Variants in LARP4B observed in about 807,000 individuals in gnomAD.
LARP4B encodes the protein la-related protein 4B.
LARP4B carries 12 observed loss-of-function variants against 89.8 expected under a neutral mutation model. The ratio of observed to expected loss-of-function variants is 0.13; its 90% CI spans 0.09 to 0.22. The LOEUF (loss-of-function observed/expected upper bound fraction) is 0.22, where lower values mean the gene tolerates loss of function less well. Ranked by LOEUF, LARP4B falls within the 10% of genes least tolerant of loss-of-function variation. The pLI, the probability that LARP4B is intolerant of heterozygous loss-of-function variation, is 1.00. For missense variants in LARP4B, 757 were observed against 947.7 expected, an observed-to-expected ratio of 0.80 and a Z score of 2.64; for synonymous variants, 367 against 363.3, an observed-to-expected ratio of 1.01 and a Z score of -0.12.
chr10:899,201 G>T (rs919702200), intron 1 of LARP4B, among the ~76,000 whole-genome samples: 1 of 152,192 alleles, frequency 6.6e-6, no homozygotes, highest in Non-Finnish European at 1.5e-5. Context: ...TGGATCAATT[G>T]TATCAGTGAT....
Position 814,913 on chromosome 10 carries a change from A to C in LARP4B, c.1820+33T>G. 1 of 1,577,478 alleles carries C rather than the reference A, an allele frequency of 6.3e-7. No homozygotes were observed. The highest frequency in any genetic ancestry group is 1.2e-5 in the South Asian group (1 of 86,334). On this transcript the variant is annotated intron_variant, in intron 16 of 17. Coordinates refer to ENST00000316157, the MANE Select transcript of LARP4B (RefSeq NM_015155.3). The surrounding 1 kb of genome is among the most constrained non-coding windows in gnomAD (Gnocchi z 4.4). Reference sequence around the variant, plus strand: ...CATCACAGGCCATTCAAGTCAGTCAACACCAAGGCGCTGGAAGAACACCAA... The same window carrying C: ...CATCACAGGCCATTCAAGTCAGTCACCACCAAGGCGCTGGAAGAACACCAA...
chr10:860,117 T>C (rs1353427649), intron 5 of LARP4B, among the ~76,000 whole-genome samples: 1 of 40,890 alleles, frequency 2.4e-5, no homozygotes, highest in African/African-American at 1.0e-4. Context: ...AGGCCATGCA[T>C]GTGTGGGGGT....
At chr10:818,435 TTC>T (rs1359733383) in intron 14 of LARP4B, 1 of 152,272 alleles carries the variant, frequency 6.6e-6, no homozygotes, top group Non-Finnish European at 1.5e-5. Flanking sequence ...GGGGCTCGAA[TTC>T]TCTGAAAATA....
chr10:983,366 C>G, the LARP4B span, among the ~76,000 whole-genome samples: 2 of 152,230 alleles, frequency 1.3e-5, no homozygotes, highest in Non-Finnish European at 1.5e-5. Context: ...ACAGAGGCCC[C>G]TGCTGACCTA....
At chr10:949,602 G>GT in the LARP4B span, among the ~76,000 whole-genome samples, 1 of 152,076 alleles carries the variant, frequency 6.6e-6, no homozygotes. Flanking sequence ...CCTCACCCAC[G>GT]TGCCGCTGCA....
At chr10:965,840 CG>C in the LARP4B span, among the ~76,000 whole-genome samples, 1 of 151,956 alleles carries the variant, frequency 6.6e-6, no homozygotes, top group Admixed American at 6.6e-5. Flanking sequence ...AATCATCAAC[CG>C]ATTTATGTCA....
At chr10:848,812 CA>C (rs1833901216) in intron 5 of LARP4B, among the ~76,000 whole-genome samples, 1 of 151,492 alleles carries the variant, frequency 6.6e-6, no homozygotes, top group Non-Finnish European at 1.5e-5. Context: ...AGTCAGCCCT[CA>C]ACACAGAGAA....
At chr10:867,252 C>T (rs948491217) in intron 3 of LARP4B, among the ~76,000 whole-genome samples, 1 of 152,116 alleles carries the variant, frequency 6.6e-6, no homozygotes, top group Non-Finnish European at 1.5e-5. Context: ...GGATCTACCA[C>T]GTGCTGAGCA....
the LARP4B span, among the ~76,000 whole-genome samples, chr10:955,057 G>C: frequency 0.14 from 11,673 of 81,662 alleles, 343 homozygotes; most frequent in African/African-American, 0.21. The surrounding 1 kb of genome is among the most constrained non-coding windows in gnomAD (Gnocchi z 5.2). Flanking sequence ...TCCCATCCAC[G>C]CTTCCCCAGG....
chr10:886,095 G>A (rs1490402880), intron 1 of LARP4B, among the ~76,000 whole-genome samples: 1 of 151,874 alleles, frequency 6.6e-6, no homozygotes, highest in Admixed American at 6.6e-5. Flanking sequence ...GATATATAAG[G>A]AACTCACACC....
Position 836,478 on chromosome 10 carries a change from C to T in LARP4B, c.675G>A (p.Lys225=), listed in dbSNP as rs746404701. The change falls in exon 8 of 18, where the codon AAG becomes AAA. Residue 225 remains lysine (K), a synonymous_variant. Transcript: ENST00000316157. The part of the protein sequence containing the change: ...RSLPLVQVDE[K]GEKVRPNQNR... Reference sequence around the variant, plus strand: ...TTTGATTTGGCCTTACTTTTTCTCCCTTTTCATCCACTTGGACTAAAGGTA... The same window carrying T: ...TTTGATTTGGCCTTACTTTTTCTCCTTTTTCATCCACTTGGACTAAAGGTA... 4 of 1,612,618 alleles carry T rather than the reference C, an allele frequency of 2.5e-6. No homozygotes were observed. The African/African-American group carries it at 4.0e-5, about 16-fold the overall frequency.
intron 8 of LARP4B, among the ~76,000 whole-genome samples, chr10:835,592 C>G (rs777129383): frequency 3.3e-5 from 5 of 152,232 alleles, no homozygotes; most frequent in Non-Finnish European, 7.3e-5. Context: ...CAAAGCAACT[C>G]AGTTTAGGCA....
At chr10:982,109 TTTCTTTC>T in the LARP4B span, among the ~76,000 whole-genome samples, 3 of 145,384 alleles carry the variant, frequency 2.1e-5, no homozygotes, top group South Asian at 4.4e-4. Flanking sequence ...TCTTTCTTTC[TTTCTTTC>T]TTTTTTTTTT....
the LARP4B span, chr10:972,259 C>T: frequency 3.2e-5 from 11 of 344,580 alleles, no homozygotes; most frequent in South Asian, 2.5e-4. Flanking sequence ...AACTCCTGAC[C>T]TCAGGTGATC....
intron 1 of LARP4B, among the ~76,000 whole-genome samples, chr10:902,946 A>C (rs1263861782): frequency 6.6e-6 from 1 of 152,214 alleles, no homozygotes; most frequent in Non-Finnish European, 1.5e-5. Context: ...CCTGGCATAA[A>C]ATCTTTTTAA....
At chr10:862,436 A>C (rs1193592225) in intron 5 of LARP4B, among the ~76,000 whole-genome samples, 2 of 152,024 alleles carry the variant, frequency 1.3e-5, no homozygotes, top group South Asian at 2.1e-4. Flanking sequence ...GGTCACTGGG[A>C]TAACGAAAAG....
chr10:953,692 G>C, the LARP4B span, among the ~76,000 whole-genome samples: 2 of 152,172 alleles, frequency 1.3e-5, no homozygotes, highest in African/African-American at 2.4e-5. Context: ...CCAGAACCAA[G>C]TGCATAACAG....
At chr10:816,574 AG>A (rs1030464804) in intron 15 of LARP4B, among the ~76,000 whole-genome samples, 1 of 152,244 alleles carries the variant, frequency 6.6e-6, no homozygotes, top group African/African-American at 2.4e-5. Flanking sequence ...TTTCTGAAGC[AG>A]GGTTGGAGAC....
chr10:950,675 C>G, the LARP4B span, among the ~76,000 whole-genome samples: 36 of 152,288 alleles, frequency 2.4e-4, no homozygotes, highest in African/African-American at 7.2e-4. Flanking sequence ...ATTTCTTTCA[C>G]TGGCATTTTG....
Sources: gnomAD v4.1 joint callset for allele counts (sites outside exome capture counted in the v4.1 genomes callset) on GRCh38, gnomAD v4.1.1 for gene constraint, Gnocchi (gnomAD v3.1) non-coding constraint, MANE v1.5 for transcripts, NCBI Gene and HGNC (gene_info 2026-07-23, HGNC 2026-07-21) for gene names.